The following GPD1L variants were observed in gnomAD, a reference collection of about 807,000 sequenced individuals.
GPD1L encodes glycerol-3-phosphate dehydrogenase 1-like protein.
GPD1L carries 17 observed loss-of-function variants against 32.9 expected under a neutral mutation model. That is an observed-to-expected ratio of 0.52 (90% CI 0.35 to 0.78). The LOEUF (loss-of-function observed/expected upper bound fraction) is 0.78, where lower values mean the gene tolerates loss of function less well. Among genes scored for constraint, GPD1L ranks in the 30% least tolerant of loss-of-function variants. The pLI is 0.01. For missense variants in GPD1L, 361 were observed against 447.8 expected (o/e 0.81, Z 1.75); for synonymous variants, 187 against 165.9 (o/e 1.13, Z -0.98).
chr3:32,113,644 A>G (rs1464880755), intron 1 of GPD1L, among the ~76,000 whole-genome samples: 2 of 152,174 alleles, frequency 1.3e-5, no homozygotes, highest in Non-Finnish European at 2.9e-5. Context: ...CTCTTCCACA[A>G]TTGGAAGAGG....
chr3:32,155,473 G>A (rs1575121204), intron 5 of GPD1L, among the ~76,000 whole-genome samples: 1 of 152,168 alleles, frequency 6.6e-6, no homozygotes, highest in African/African-American at 2.4e-5. Context: ...ATTTCCTGGG[G>A]TTGGTTTTTC....
rs1189156425 is a variant in GPD1L at position 32,166,520 on chromosome 3, T to A, written c.*610T>A. ...TTGTCTGCATTTTTAGCCTCTTTTCTCTTCGTTAGTTGTCAGAATATGCCT... is the reference window on the plus strand; with the variant it reads ...TTGTCTGCATTTTTAGCCTCTTTTCACTTCGTTAGTTGTCAGAATATGCCT... On this transcript the variant is annotated 3_prime_UTR_variant, in exon 8 of 8. Coordinates refer to ENST00000282541, the MANE Select transcript of GPD1L (RefSeq NM_015141.4). 1.9e-5 allele frequency: 3 copies of A among 155,192 alleles called. No homozygotes were observed. Among genetic ancestry groups the A allele is most frequent in the African/African-American group, 7.2e-5 (3 of 41,460 alleles). The allele number at this position is 155,192 out of a possible 1,614,324, so 9.6% of individuals were successfully genotyped here. A position where few individuals can be genotyped will look rare whatever the true frequency, so the allele number is the denominator to read the frequency against.
chr3:32,153,635 A>C (rs7622177), intron 5 of GPD1L, among the ~76,000 whole-genome samples: 40,679 of 152,096 alleles, frequency 0.27, 5,790 homozygotes, highest in East Asian at 0.4. Flanking sequence ...CCCTGCAGAC[A>C]GTCTCCTCTT....
chr3:32,159,597 G>A lies in GPD1L; in HGVS notation c.882G>A (p.Leu294=). The change falls in exon 7 of 8, where the codon CTG becomes CTA. Residue 294 remains leucine, a synonymous_variant. Transcript: ENST00000282541. The part of the protein sequence containing the change: ...KTIEELEKEM[L]NGQKLQGPQT... The stretch of plus-strand genomic sequence containing the variant: ...TTGAAGAGTTGGAGAAGGAGATGCT[G>A]AATGGGCAAAAGCTCCAAGGACCGC... 1 of 1,611,840 alleles carries A rather than the reference G, an allele frequency of 6.2e-7. No individual in the cohort carries two copies.
At chr3:32,153,577 G>A (rs1460924266) in intron 5 of GPD1L, among the ~76,000 whole-genome samples, 2 of 152,204 alleles carry the variant, frequency 1.3e-5, no homozygotes, top group East Asian at 1.9e-4. Flanking sequence ...CCTTAGACAG[G>A]GGCCAGCAGC....
chr3:32,106,657 G>A lies in GPD1L; in HGVS notation c.-55G>A, dbSNP rs1170601094. 1.4e-6 allele frequency: 2 copies of A among 1,468,378 alleles called. No individual in the cohort carries two copies. Among genetic ancestry groups the A allele is most frequent in the Non-Finnish European group, 9.1e-7 (1 of 1,103,142 alleles). The allele number at this position is 1,468,378 out of a possible 1,614,324, so 91.0% of individuals were successfully genotyped here. A position where few individuals can be genotyped will look rare whatever the true frequency, so the allele number is the denominator to read the frequency against. On this transcript the variant is annotated 5_prime_UTR_variant, in exon 1 of 8. Coordinates refer to ENST00000282541, the MANE Select transcript of GPD1L (RefSeq NM_015141.4). The surrounding 1 kb of genome is among the most constrained non-coding windows in gnomAD (Gnocchi z 4.0). ...CGCTGCGGGCAAGGCTGAACAGGCG[G>A]AGGTGGGCAGCCGGCCAGGGAAGCA...
chr3:32,125,722 G>A (rs896284761), intron 1 of GPD1L, among the ~76,000 whole-genome samples: 3 of 152,138 alleles, frequency 2.0e-5, no homozygotes, highest in Admixed American at 6.5e-5. Flanking sequence ...CTCTCTGAGC[G>A]GGTGGTAAGC....
intron 4 of GPD1L, among the ~76,000 whole-genome samples, chr3:32,145,055 A>G (rs1193773355): frequency 6.6e-6 from 1 of 151,356 alleles, no homozygotes; most frequent in African/African-American, 2.4e-5. Flanking sequence ...GCGGTGGCTC[A>G]TGCCTTTAAT....
intron 5 of GPD1L, among the ~76,000 whole-genome samples, chr3:32,155,477 G>T (rs115298228): frequency 0.038 from 5,791 of 152,168 alleles, 355 homozygotes; most frequent in African/African-American, 0.13. Context: ...CCTGGGGTTG[G>T]TTTTTCATAT....
chr3:32,157,307 G>A (rs1249123038), intron 5 of GPD1L, among the ~76,000 whole-genome samples: 2 of 151,578 alleles, frequency 1.3e-5, no homozygotes, highest in East Asian at 1.9e-4. Flanking sequence ...GCAGTGGTGC[G>A]ATCTCGGCTT....
In GPD1L at chr3:32,168,286, C is replaced by G. The variant is rs183206257; in HGVS notation, c.*2376C>G. 1 of 152,612 alleles carries G rather than the reference C, an allele frequency of 6.6e-6. No homozygotes were observed. The highest frequency in any genetic ancestry group is 1.5e-5 in the Non-Finnish European group (1 of 68,038). 9.5% of individuals were successfully genotyped at this position (152,612 alleles called of 1,614,324 possible). A position where few individuals can be genotyped will look rare whatever the true frequency, so the allele number is the denominator to read the frequency against. On this transcript the variant is annotated 3_prime_UTR_variant, in exon 8 of 8. Coordinates refer to ENST00000282541, the MANE Select transcript of GPD1L (RefSeq NM_015141.4). ...GCGAGTTATCTATTTTTATAACCAC[C>G]TGTGGTCCATTGTTCATTTTAATTC...
At chr3:32,111,275 A>G (rs1700242347) in intron 1 of GPD1L, among the ~76,000 whole-genome samples, 1 of 152,224 alleles carries the variant, frequency 6.6e-6, no homozygotes, top group Admixed American at 6.5e-5. Context: ...AACCCTTGTG[A>G]TAGGAAGCAT....
intron 5 of GPD1L, chr3:32,151,294 A>G: frequency 1.6e-6 from 1 of 618,476 alleles, no homozygotes; most frequent in Non-Finnish European, 3.0e-6. Context: ...TACACCCATT[A>G]ATTCTTGGCA....
At chr3:32,124,508 A>G (rs1189542592) in intron 1 of GPD1L, among the ~76,000 whole-genome samples, 1 of 152,234 alleles carries the variant, frequency 6.6e-6, no homozygotes, top group Non-Finnish European at 1.5e-5. Flanking sequence ...AAGAGGTAAC[A>G]CTTGGGACAA....
intron 1 of GPD1L, among the ~76,000 whole-genome samples, chr3:32,126,776 C>T (rs1700514213): frequency 6.6e-6 from 1 of 152,172 alleles, no homozygotes; most frequent in South Asian, 2.1e-4. Context: ...GCTCTCAGCC[C>T]TGGCTGCACA....
At chr3:32,128,377 G>T (rs982927172) in intron 2 of GPD1L, 124 bp downstream of exon 2, 2 of 822,994 alleles carry the variant, frequency 2.4e-6, no homozygotes, top group Non-Finnish European at 4.2e-6. Flanking sequence ...ACTACCAATT[G>T]GTTGGTTGGT....
intron 5 of GPD1L, among the ~76,000 whole-genome samples, chr3:32,154,957 C>G (rs1238225872): frequency 6.6e-6 from 1 of 152,132 alleles, no homozygotes; most frequent in Non-Finnish European, 1.5e-5. Context: ...CTATGTTGCC[C>G]AGGCTGGTCT....
At chr3:32,144,725 G>A (rs1367085494) in intron 4 of GPD1L, among the ~76,000 whole-genome samples, 2 of 151,340 alleles carry the variant, frequency 1.3e-5, no homozygotes, top group Non-Finnish European at 2.9e-5. Context: ...TCACGCTGTT[G>A]CCCAGGCTGG....
chr3:32,141,782 T>G (rs1700748147), intron 4 of GPD1L, among the ~76,000 whole-genome samples: 1 of 152,212 alleles, frequency 6.6e-6, no homozygotes, highest in South Asian at 2.1e-4. Flanking sequence ...TAGCAGTTTC[T>G]TTTTTGTTTT....
Sources: allele counts gnomAD v4.1 joint callset (sites outside exome capture counted in the v4.1 genomes callset), GRCh38; gene constraint gnomAD v4.1.1; non-coding constraint Gnocchi (gnomAD v3.1); transcripts MANE v1.5; gene names NCBI Gene and HGNC (gene_info 2026-07-23, HGNC 2026-07-21).